The following IRAK2 variants were observed in gnomAD, a reference collection of about 807,000 sequenced individuals.
The protein encoded by IRAK2 is interleukin 1 receptor associated kinase 2.
IRAK2 carries 57 observed loss-of-function variants against 72.0 expected under a neutral mutation model. The observed-to-expected ratio is 0.79, with a 90% CI of 0.64 to 0.99. The LOEUF is 0.99. Among genes scored for constraint, IRAK2 ranks in the 50% least tolerant of loss-of-function variants. The pLI, the probability that IRAK2 is intolerant of heterozygous loss-of-function variation, is 0.00. For synonymous variants in IRAK2, 293 were observed against 312.7 expected, an observed-to-expected ratio of 0.94 and a Z score of 0.67; for missense variants, 790 against 794.4, an observed-to-expected ratio of 0.99 and a Z score of 0.07.
At chr3:10,223,648 GGGTAT>G (rs1195029970) in intron 9 of IRAK2, among the ~76,000 whole-genome samples, 1 of 152,210 alleles carries the variant, frequency 6.6e-6, no homozygotes, top group African/African-American at 2.4e-5. Flanking sequence ...CACCAGAGAG[GGGTAT>G]GCAGTGTTTC....
intron 4 of IRAK2, among the ~76,000 whole-genome samples, chr3:10,212,799 C>G (rs1252309215): frequency 7.1e-6 from 1 of 141,306 alleles, no homozygotes; most frequent in African/African-American, 2.6e-5. Context: ...GAGTCTCGCT[C>G]TGTCACCCAG....
chr3:10,171,160 C>T (rs1245312163), intron 1 of IRAK2, among the ~76,000 whole-genome samples: 24 of 152,152 alleles, frequency 1.6e-4, no homozygotes. Context: ...AAAGGGTTTC[C>T]TACAGCTTCA....
chr3:10,241,623 G>C (rs1056098223), intron 12 of IRAK2, among the ~76,000 whole-genome samples: 14 of 149,448 alleles, frequency 9.4e-5, no homozygotes, highest in African/African-American at 3.4e-4. Context: ...CAGGCCGGGC[G>C]TGGTGGCTCA....
intron 2 of IRAK2, among the ~76,000 whole-genome samples, chr3:10,184,313 A>G (rs1697009139): frequency 6.6e-6 from 1 of 152,150 alleles, no homozygotes; most frequent in African/African-American, 2.4e-5. Context: ...AAAGGAGGCA[A>G]TCAGTATTGG....
At chr3:10,176,578 T>A (rs188531401) in intron 1 of IRAK2, among the ~76,000 whole-genome samples, 1 of 145,606 alleles carries the variant, frequency 6.9e-6, no homozygotes, top group East Asian at 2.1e-4. Flanking sequence ...CTCGGGTTCA[T>A]GACATTCTCC....
At chr3:10,189,824 G>A (rs1258190797) in intron 2 of IRAK2, among the ~76,000 whole-genome samples, 3 of 152,050 alleles carry the variant, frequency 2.0e-5, no homozygotes, top group Middle Eastern at 3.2e-3. Context: ...TCTCTTGGAA[G>A]GCTGCCCTGC....
chr3:10,222,599 C>A, intron 8 of IRAK2, 37 bp from the exon 9 acceptor site: 4 of 1,572,508 alleles, frequency 2.5e-6, no homozygotes, highest in Non-Finnish European at 3.5e-6. Context: ...TTATCCAGCT[C>A]AAAATGAGAA....
At position 10,227,664 on chromosome 3, in the gene IRAK2, G is replaced by GT. The variant is rs1163281815; in HGVS notation, c.1272+1241dup. ...AGATCTCCCTGAGCCGACATCATGA[G>GT]TTTTTTTTTTGTTTTTGTTTTTGAG... On this transcript the variant is annotated intron_variant, in intron 10 of 12. Transcript: ENST00000256458. Among the ~76,000 whole-genome samples the GT allele has an allele frequency of 1.8e-3, 250 of 137,760 alleles. 4 individuals are homozygous for GT. In the East Asian group the frequency reaches 0.043, roughly 24 times the overall value. 90.4% of individuals were successfully genotyped at this position (137,760 alleles called of 152,430 possible). A position where few individuals can be genotyped will look rare whatever the true frequency, so the allele number is the denominator to read the frequency against.
At chr3:10,209,379 A>C (rs1304917513) in intron 3 of IRAK2, among the ~76,000 whole-genome samples, 2 of 152,152 alleles carry the variant, frequency 1.3e-5, no homozygotes, top group Non-Finnish European at 2.9e-5. Context: ...CTGGGATGAT[A>C]AACAGGCCCC....
intron 3 of IRAK2, among the ~76,000 whole-genome samples, chr3:10,200,739 A>T (rs961644749): frequency 2.6e-5 from 4 of 152,134 alleles, no homozygotes; most frequent in Admixed American, 6.5e-5. Context: ...TCTACAAAAA[A>T]TTTTAAAAAA....
At chr3:10,209,468 A>G in intron 3 of IRAK2, 121 bp from the exon 4 acceptor site, 1 of 557,538 alleles carries the variant, frequency 1.8e-6, no homozygotes, top group Non-Finnish European at 3.1e-6. Flanking sequence ...GGTGTCAGGA[A>G]TTGGCAGCAA....
rs191881156 is a variant in IRAK2 at position 10,206,617 on chromosome 3, A to G, written c.425-2972A>G. On this transcript the variant is annotated intron_variant, in intron 3 of 12. Transcript: ENST00000256458. ...GTTGCCCAGGTTGGAGTGCAGTGGT[A>G]TGATCTTGGCTCACTGCAACCTCTG... 1.4e-4 allele frequency among the ~76,000 whole-genome samples: 22 copies of G among 152,276 alleles called. No homozygotes were observed. The East Asian group carries it at 3.9e-3, about 27-fold the overall frequency.
In IRAK2 at chr3:10,242,255, G is replaced by A; in HGVS notation, c.*27G>A. 1.5e-6 allele frequency: 2 copies of A among 1,337,956 alleles called. No homozygotes were observed. Among genetic ancestry groups the A allele is most frequent in the Non-Finnish European group, 2.1e-6 (2 of 946,536 alleles). 82.9% of individuals were successfully genotyped at this position (1,337,956 alleles called of 1,614,324 possible). On this transcript the variant is annotated 3_prime_UTR_variant, in exon 13 of 13. Transcript: ENST00000256458. Reference sequence around the variant, plus strand: ...GACCGGAACACAGCTGAGGACCCTTGTCCTCAGTTGGAAAGATGAGCATCA... The same window carrying A: ...GACCGGAACACAGCTGAGGACCCTTATCCTCAGTTGGAAAGATGAGCATCA...
chr3:10,194,296 G>A (rs1697230721), intron 2 of IRAK2, among the ~76,000 whole-genome samples: 1 of 152,238 alleles, frequency 6.6e-6, no homozygotes, highest in African/African-American at 2.4e-5. Context: ...TCTACTCTTT[G>A]ATCACAGTCT....
At chr3:10,241,335 G>A (rs961617210) in intron 12 of IRAK2, among the ~76,000 whole-genome samples, 17 of 151,678 alleles carry the variant, frequency 1.1e-4, no homozygotes, top group Middle Eastern at 3.4e-3. Context: ...TGAGGCGGGC[G>A]GATCACGAGG....
chr3:10,237,411 C>T (rs570011608), intron 11 of IRAK2, among the ~76,000 whole-genome samples: 96 of 152,242 alleles, frequency 6.3e-4, no homozygotes, highest in African/African-American at 2.3e-3. Context: ...TGATGGTCAC[C>T]TTTGCCATTT....
intron 11 of IRAK2, among the ~76,000 whole-genome samples, chr3:10,236,649 C>T (rs1421184791): frequency 2.0e-5 from 3 of 152,138 alleles, no homozygotes; most frequent in Admixed American, 6.6e-5. Flanking sequence ...TGCCCAGCCT[C>T]ACTAAGGTTT....
In IRAK2 at chr3:10,231,848, C is replaced by G. The variant is rs918051418; in HGVS notation, c.1273-2611C>G. On this transcript the variant is annotated intron_variant, in intron 10 of 12. Transcript: ENST00000256458. ...GTTTCTTAAGACTCTTATTCTTGGC[C>G]GGGCACGGTGGCTCAAGCCTGTAAT... Among the ~76,000 whole-genome samples, 21 of 151,758 alleles carry G rather than the reference C, an allele frequency of 1.4e-4. 1 individual carries two copies. Among genetic ancestry groups the G allele is most frequent in the Non-Finnish European group, 2.8e-4 (19 of 67,922 alleles).
At chr3:10,213,834 A>C (rs1488875595) in intron 6 of IRAK2, among the ~76,000 whole-genome samples, 1 of 151,942 alleles carries the variant, frequency 6.6e-6, no homozygotes, top group Non-Finnish European at 1.5e-5. Flanking sequence ...TAGCAATTCT[A>C]TGTGTAGATT....
Sources: gnomAD v4.1 joint callset for allele counts (sites outside exome capture counted in the v4.1 genomes callset) on GRCh38, gnomAD v4.1.1 for gene constraint, MANE v1.5 for transcripts, NCBI Gene and HGNC (gene_info 2026-07-23, HGNC 2026-07-21) for gene names.